TTC28: variants seen among roughly 807,000 people sequenced by gnomAD.
The protein encoded by TTC28 is tetratricopeptide repeat domain 28, also known as tetratricopeptide repeat protein 28.
TTC28 carries 61 observed loss-of-function variants against 198.0 expected under a neutral mutation model. The ratio of observed to expected loss-of-function variants is 0.31; its 90% CI spans 0.25 to 0.38. The LOEUF is 0.38. Ranked by LOEUF, TTC28 falls within the 10% of genes least tolerant of loss-of-function variation. The probability of loss-of-function intolerance (pLI) is 1.00; values close to 1 mark genes in which losing one functional copy is unlikely to be tolerated. For missense variants in TTC28, 2,678 were observed against 3,164.0 expected, an observed-to-expected ratio of 0.85 and a Z score of 3.69; for synonymous variants, 1,171 against 1,297.8, an observed-to-expected ratio of 0.90 and a Z score of 2.10.
intron 2 of TTC28, among the ~76,000 whole-genome samples, chr22:28,377,004 A>G (rs568836428): frequency 2.6e-5 from 4 of 152,302 alleles, no homozygotes; most frequent in African/African-American, 7.2e-5. Context: ...AATAAATTCT[A>G]AAGTAAAAAC....
At position 28,441,170 on chromosome 22, in the gene TTC28, C is replaced by A. The variant is rs147546843; in HGVS notation, c.382-134527G>T. On this transcript the variant is annotated intron_variant, in intron 2 of 22. Coordinates refer to ENST00000397906, the MANE Select transcript of TTC28 (RefSeq NM_001145418.2). ...AAGAATAATACTTCCGTGGTTCAAG[C>A]AATACCAGTACCCAGAGGGGTTTCC... Among the ~76,000 whole-genome samples, 43 of 152,292 alleles carry A rather than the reference C, an allele frequency of 2.8e-4. 1 individual carries two copies. Among genetic ancestry groups the A allele is most frequent in the African/African-American group, 9.9e-4 (41 of 41,558 alleles).
chr22:27,982,924 C>G lies in TTC28; in HGVS notation c.6743G>C (p.Gly2248Ala), dbSNP rs753960601. 18 of 1,551,638 alleles carry G rather than the reference C, an allele frequency of 1.2e-5. No homozygotes were observed. The South Asian group carries it at 2.1e-4, about 18-fold the overall frequency. ...RSSSLPKVSS[G>A]YSSPTTSEMS... ...CTCTGAGGTGGTGGGGCTGCTATAT[C>G]CGGAACTCACCTTGGGCAGGGAGGA... The change falls in exon 23 of 23, where the codon GGA (glycine) becomes GCA (alanine). Residue 2248 changes from glycine (G) to alanine (A), a missense_variant. Around this residue, in one of 8 missense-constraint regions of TTC28, gnomAD observed 622 missense variants for 656.0 expected, o/e 0.95. Coordinates refer to ENST00000397906, the MANE Select transcript of TTC28 (RefSeq NM_001145418.2). This position sits in a 1 kb window ranked among gnomAD's most constrained non-coding sequence, Gnocchi z 5.2.
chr22:28,145,864 TACTA>T (rs1249299499), intron 6 of TTC28, among the ~76,000 whole-genome samples: 2 of 152,212 alleles, frequency 1.3e-5, no homozygotes, highest in African/African-American at 4.8e-5. Context: ...GCTTTATACA[TACTA>T]ACTCATTCAA....
At chr22:28,432,279 C>T (rs1383480589) in intron 2 of TTC28, among the ~76,000 whole-genome samples, 1 of 151,176 alleles carries the variant, frequency 6.6e-6, no homozygotes, top group Non-Finnish European at 1.5e-5. Context: ...GAGCGAGACT[C>T]TGTCTCAAAA....
chr22:28,063,454 AC>A (rs1246575404), intron 12 of TTC28, among the ~76,000 whole-genome samples: 1 of 152,092 alleles, frequency 6.6e-6, no homozygotes, highest in East Asian at 1.9e-4. Flanking sequence ...ATGTTTTGAC[AC>A]CCCTCCAGAA....
intron 2 of TTC28, among the ~76,000 whole-genome samples, chr22:28,464,702 A>G (rs936415732): frequency 3.3e-5 from 5 of 152,100 alleles, no homozygotes; most frequent in African/African-American, 9.7e-5. Context: ...CAGGACTTGT[A>G]TTTTATCTCT....
intron 2 of TTC28, among the ~76,000 whole-genome samples, chr22:28,510,440 C>A (rs2146392319): frequency 6.6e-6 from 1 of 152,248 alleles, no homozygotes; most frequent in East Asian, 1.9e-4. Context: ...TCAATAGATG[C>A]AGAAAAGGCC....
Position 27,983,595 on chromosome 22 carries a change from G to T in TTC28, c.6072C>A (p.Asp2024Glu). ...GGGPGGRQDH[D>E]RSKNAYLQRS... Reference sequence around the variant, plus strand: ...TCTGCAGGTAAGCGTTCTTGGACCGGTCATGGTCCTGCCGTCCTCCGGGGC... The same window carrying T: ...TCTGCAGGTAAGCGTTCTTGGACCGTTCATGGTCCTGCCGTCCTCCGGGGC... Residue 2024 changes from aspartate (D) to glutamate (E), a missense_variant, in exon 23 of 23, where the codon GAC becomes GAA. Physicochemically the swap from Asp to Glu is conservative, Grantham distance 45. Transcript: ENST00000397906. 1.3e-6 allele frequency: 2 copies of T among 1,549,796 alleles called. No individual in the cohort carries two copies. The highest frequency in any genetic ancestry group is 1.7e-6 in the Non-Finnish European group (2 of 1,146,226).
chr22:28,636,667 G>A, intron 1 of TTC28, among the ~76,000 whole-genome samples: 1 of 152,070 alleles, frequency 6.6e-6, no homozygotes, highest in East Asian at 1.9e-4. Flanking sequence ...CAGTTTGTAG[G>A]TCTTCTTTGT....
At chr22:28,050,892 T>C (rs532439021) in intron 12 of TTC28, among the ~76,000 whole-genome samples, 4 of 152,206 alleles carry the variant, frequency 2.6e-5, no homozygotes, top group East Asian at 1.9e-4. Context: ...CATATTCTAA[T>C]ACAACATGAT....
intron 2 of TTC28, among the ~76,000 whole-genome samples, chr22:28,343,764 T>C (rs1239022953): frequency 2.0e-5 from 3 of 152,212 alleles, no homozygotes; most frequent in Admixed American, 6.5e-5. Flanking sequence ...GCCTACCAGA[T>C]ACAGCTGCTC....
intron 5 of TTC28, among the ~76,000 whole-genome samples, chr22:28,214,154 G>T (rs1421256081): frequency 6.6e-6 from 1 of 152,104 alleles, no homozygotes; most frequent in Non-Finnish European, 1.5e-5. Context: ...AGACTTAAAT[G>T]TTAGACCTAA....
At chr22:28,147,213 G>A (rs570180419) in intron 6 of TTC28, among the ~76,000 whole-genome samples, 61 of 152,266 alleles carry the variant, frequency 4.0e-4, no homozygotes, top group African/African-American at 1.4e-3. Context: ...GCAGAAACTG[G>A]TTCTCAGTAA....
chr22:28,623,742 A>G (rs2051035937), intron 2 of TTC28, among the ~76,000 whole-genome samples: 1 of 152,188 alleles, frequency 6.6e-6, no homozygotes, highest in Non-Finnish European at 1.5e-5. Context: ...ACAATAAGAT[A>G]ACTAAGAAAA....
intron 10 of TTC28, among the ~76,000 whole-genome samples, chr22:28,098,334 G>A (rs1440535477): frequency 6.6e-6 from 1 of 152,166 alleles, no homozygotes; most frequent in East Asian, 1.9e-4. Context: ...CGCTAGTGGT[G>A]AGAGGGAACC....
chr22:28,529,329 C>T (rs556213815), intron 2 of TTC28, among the ~76,000 whole-genome samples: 154 of 152,332 alleles, frequency 1.0e-3, no homozygotes, highest in African/African-American at 3.1e-3. Flanking sequence ...AGTCTGAGAT[C>T]GAACTGCAAG....
chr22:28,355,506 C>T (rs2046062922), intron 2 of TTC28, among the ~76,000 whole-genome samples: 1 of 152,198 alleles, frequency 6.6e-6, no homozygotes, highest in African/African-American at 2.4e-5. Context: ...TTGCACTAGG[C>T]ATTTTACATA....
chr22:28,166,179 C>T (rs1471792798), intron 5 of TTC28, among the ~76,000 whole-genome samples: 2 of 152,132 alleles, frequency 1.3e-5, no homozygotes, highest in East Asian at 3.8e-4. Context: ...ATAAAGCAAG[C>T]CCTTAGTGGC....
At chr22:28,376,744 T>C (rs914938977) in intron 2 of TTC28, among the ~76,000 whole-genome samples, 2 of 152,030 alleles carry the variant, frequency 1.3e-5, no homozygotes, top group Non-Finnish European at 2.9e-5. Flanking sequence ...CCAAAGTGCC[T>C]AGAGTTCACA....
Sources: gnomAD v4.1 joint callset for allele counts (sites outside exome capture counted in the v4.1 genomes callset) on GRCh38, gnomAD v4.1.1 for gene constraint, gnomAD v4.1.1 regional missense constraint, Gnocchi (gnomAD v3.1) non-coding constraint, MANE v1.5 for transcripts, NCBI Gene and HGNC (gene_info 2026-07-23, HGNC 2026-07-21) for gene names.